The following ACTR1A variants were observed in gnomAD, a reference collection of about 807,000 sequenced individuals.
ACTR1A encodes the protein actin related protein 1A.
Under a neutral mutation model 50.7 loss-of-function variants are expected in ACTR1A, and 10 were observed. The observed-to-expected ratio is 0.20, with a 90% CI of 0.12 to 0.33. The LOEUF is 0.33. Among genes scored for constraint, ACTR1A ranks in the 10% least tolerant of loss-of-function variants. ACTR1A has a pLI of 1.00. For missense variants in ACTR1A, 253 were observed against 491.7 expected (o/e 0.51, Z 4.59); for synonymous variants, 177 against 184.2 (o/e 0.96, Z 0.32).
At position 102,482,384 on chromosome 10, in the gene ACTR1A, G is replaced by A. The variant is rs2062148203; in HGVS notation, c.751-209C>T. On this transcript the variant is annotated intron_variant, in intron 7 of 10. Transcript: ENST00000369905. This position sits in a 1 kb window ranked among gnomAD's most constrained non-coding sequence, Gnocchi z 5.6. ...GGGGAGGCTCCTATATTTCCTTCTC[G>A]CTCTGGCATTTTCCAGCCAAGAGGT... is the stretch of plus-strand genomic sequence containing the variant. 2 of 587,896 alleles carry A rather than the reference G, an allele frequency of 3.4e-6. No individual in the cohort carries two copies. The highest frequency in any genetic ancestry group is 2.1e-5 in the South Asian group (1 of 47,710). 36.4% of individuals were successfully genotyped at this position (587,896 alleles called of 1,614,324 possible).
intron 1 of ACTR1A, among the ~76,000 whole-genome samples, chr10:102,496,161 G>T (rs976685386): frequency 4.6e-5 from 7 of 152,172 alleles, no homozygotes; most frequent in African/African-American, 1.7e-4. Flanking sequence ...TAGCCAGGAT[G>T]GTCTCGATCT....
At chr10:102,494,257 G>A (rs1360662931) in intron 1 of ACTR1A, among the ~76,000 whole-genome samples, 1 of 152,186 alleles carries the variant, frequency 6.6e-6, no homozygotes, top group African/African-American at 2.4e-5. Flanking sequence ...CACTTAGGAA[G>A]GCCGAGGCAC....
At chr10:102,494,574 A>G (rs1178648553) in intron 1 of ACTR1A, among the ~76,000 whole-genome samples, 1 of 152,162 alleles carries the variant, frequency 6.6e-6, no homozygotes, top group Non-Finnish European at 1.5e-5. Flanking sequence ...AGGCTGCAGC[A>G]AGCTGTAATT....
intron 1 of ACTR1A, among the ~76,000 whole-genome samples, chr10:102,501,782 T>C (rs2062253254): frequency 6.6e-6 from 1 of 152,208 alleles, no homozygotes; most frequent in Non-Finnish European, 1.5e-5. Context: ...AACTCGAATG[T>C]ATGTGAAAAC....
In ACTR1A at chr10:102,483,063, G is replaced by C; in HGVS notation, c.698C>G (p.Thr233Arg). 1.2e-6 allele frequency: 2 copies of C among 1,614,188 alleles called. No individual in the cohort carries two copies. Among genetic ancestry groups the C allele is most frequent in the Non-Finnish European group, 1.7e-6 (2 of 1,180,014 alleles). The change falls in exon 7 of 11, where the codon ACG becomes AGG. Residue 233 changes from threonine (T) to arginine (R), a missense_variant. By Grantham distance (71) the Thr-to-Arg change is moderately conservative. Transcript: ENST00000369905. ...GTACTGAGCTTTCTCTGTCTCTAGCGTCTCATCCTTTTGGGGGTTTATGGA... is the reference window on the plus strand; with the variant it reads ...GTACTGAGCTTTCTCTGTCTCTAGCCTCTCATCCTTTTGGGGGTTTATGGA... ...YLSINPQKDE[T>R]LETEKAQYYL... is the part of the protein sequence containing the mutation.
intron 1 of ACTR1A, among the ~76,000 whole-genome samples, chr10:102,496,308 C>A (rs570665924): frequency 3.9e-5 from 6 of 152,350 alleles, no homozygotes; most frequent in Non-Finnish European, 5.9e-5. Flanking sequence ...TTCAATGCAC[C>A]TTTCAGATTT....
In ACTR1A at chr10:102,479,354, G is replaced by C; in HGVS notation, c.*1509C>G. On this transcript the variant is annotated 3_prime_UTR_variant, in exon 11 of 11. Transcript: ENST00000369905. This position sits in a 1 kb window ranked among gnomAD's most constrained non-coding sequence, Gnocchi z 4.0. ...GGGAGGTGAGTTGGTTAAGCGCACT[G>C]CAGTCCGCGGGGCGCTACGTTGCTT... 1 of 371,824 alleles carries C rather than the reference G, an allele frequency of 2.7e-6. No homozygotes were observed. The highest frequency in any genetic ancestry group is 2.0e-5 in the South Asian group (1 of 49,492). 23.0% of individuals were successfully genotyped at this position (371,824 alleles called of 1,614,324 possible). A position where few individuals can be genotyped will look rare whatever the true frequency, so the allele number is the denominator to read the frequency against.
At position 102,491,986 on chromosome 10, in the gene ACTR1A, A is replaced by G. The variant is rs552766923; in HGVS notation, c.49-1373T>C. On this transcript the variant is annotated intron_variant, in intron 1 of 10. Coordinates refer to ENST00000369905, the MANE Select transcript of ACTR1A (RefSeq NM_005736.4). ...GGGTTTCACCGTGTTAGCCAGGATG[A>G]TCTCGATCTCCTGACCTCGTGATCC... 2.0e-4 allele frequency among the ~76,000 whole-genome samples: 26 copies of G among 132,642 alleles called. 1 individual carries two copies. In the South Asian group the frequency reaches 2.2e-3, roughly 11 times the overall value. 87.0% of individuals were successfully genotyped at this position (132,642 alleles called of 152,430 possible). A position where few individuals can be genotyped will look rare whatever the true frequency, so the allele number is the denominator to read the frequency against.
rs775830772 is a variant in ACTR1A at position 102,502,693 on chromosome 10, C to A, written c.-46G>T. On this transcript the variant is annotated 5_prime_UTR_variant, in exon 1 of 11. Transcript: ENST00000369905. ...TGGGGAAGGAACTGCCCAGCCGGGT[C>A]CGCCGCTAGCGCCACTGACACGCAT... 3 of 1,608,362 alleles carry A rather than the reference C, an allele frequency of 1.9e-6. No individual in the cohort carries two copies. The South Asian group carries it at 3.3e-5, about 18-fold the overall frequency.
At chr10:102,494,812 T>C (rs2062212423) in intron 1 of ACTR1A, among the ~76,000 whole-genome samples, 1 of 152,096 alleles carries the variant, frequency 6.6e-6, no homozygotes, top group Admixed American at 6.5e-5. Flanking sequence ...TAATTTTAAT[T>C]TTAATTTTAA....
intron 9 of ACTR1A, 47 bp downstream of exon 9, chr10:102,481,790 C>T (rs1325523586): frequency 1.2e-6 from 2 of 1,604,704 alleles, no homozygotes; most frequent in Non-Finnish European, 1.7e-6. Context: ...GGCACTCTGT[C>T]CATGGAAGCC....
chr10:102,487,052 G>C (rs1024411242), intron 4 of ACTR1A, among the ~76,000 whole-genome samples: 1 of 151,858 alleles, frequency 6.6e-6, no homozygotes, highest in Non-Finnish European at 1.5e-5. Flanking sequence ...AAAGTGCTGG[G>C]ATTACAGGCA....
At position 102,480,797 on chromosome 10, in the gene ACTR1A, C is replaced by T. The variant is rs1284078918; in HGVS notation, c.*66G>A. On this transcript the variant is annotated 3_prime_UTR_variant, in exon 11 of 11. Coordinates refer to ENST00000369905, the MANE Select transcript of ACTR1A (RefSeq NM_005736.4). Reference sequence around the variant, plus strand: ...CACAGGCAGTTCCTCGCAAACACTCCGACTCAAGAAAGCGAGTTTTAAAGT... The same window carrying T: ...CACAGGCAGTTCCTCGCAAACACTCTGACTCAAGAAAGCGAGTTTTAAAGT... 26 of 1,333,750 alleles carry T rather than the reference C, an allele frequency of 1.9e-5. No homozygotes were observed. Among genetic ancestry groups the T allele is most frequent in the Admixed American group, 6.7e-5 (4 of 59,558 alleles). 82.6% of individuals were successfully genotyped at this position (1,333,750 alleles called of 1,614,324 possible).
At chr10:102,483,153 C>A in intron 6 of ACTR1A, 50 bp from the exon 7 acceptor site, 1 of 1,378,584 alleles carries the variant, frequency 7.3e-7, no homozygotes, top group Non-Finnish European at 1.0e-6. Context: ...TGGTGCACAT[C>A]CAGTCAAAGG....
At chr10:102,492,999 C>A (rs2062201550) in intron 1 of ACTR1A, among the ~76,000 whole-genome samples, 2 of 14,518 alleles carry the variant, frequency 1.4e-4, no homozygotes, top group South Asian at 2.7e-3. Flanking sequence ...GAGACTCCAC[C>A]TCAAAAAAAA....
chr10:102,498,616 C>G (rs1307416480), intron 1 of ACTR1A, among the ~76,000 whole-genome samples: 1 of 151,818 alleles, frequency 6.6e-6, no homozygotes, highest in African/African-American at 2.4e-5. Flanking sequence ...AGGTGCATGC[C>G]ACCAAGCAAG....
Position 102,488,057 on chromosome 10 carries a change from G to T in ACTR1A, c.315+93C>A. 1.4e-6 allele frequency: 2 copies of T among 1,454,942 alleles called. No homozygotes were observed. Among genetic ancestry groups the T allele is most frequent in the Non-Finnish European group, 1.9e-6 (2 of 1,055,840 alleles). 90.1% of individuals were successfully genotyped at this position (1,454,942 alleles called of 1,614,324 possible). A position where few individuals can be genotyped will look rare whatever the true frequency, so the allele number is the denominator to read the frequency against. On this transcript the variant is annotated intron_variant, in intron 4 of 10. Transcript: ENST00000369905. The surrounding 1 kb of genome is among the most constrained non-coding windows in gnomAD (Gnocchi z 4.4). ...AAATCAAATGGCTCCAGCACTCTTG[G>T]CAGTGATCATCGTCCTCCTCATCAT...
chr10:102,500,362 G>A (rs12765818), intron 1 of ACTR1A, among the ~76,000 whole-genome samples: 26,225 of 152,032 alleles, frequency 0.17, 2,829 homozygotes, highest in Middle Eastern at 0.28. Flanking sequence ...GAGGTCAGGA[G>A]ATCGAGACCA....
At chr10:102,487,788 C>T (rs1423911597) in intron 4 of ACTR1A, among the ~76,000 whole-genome samples, 2 of 152,012 alleles carry the variant, frequency 1.3e-5, no homozygotes, top group Middle Eastern at 3.4e-3. Context: ...CCCGCCACCA[C>T]GCCCGGAGAA....
Sources: allele counts gnomAD v4.1 joint callset (sites outside exome capture counted in the v4.1 genomes callset), GRCh38; gene constraint gnomAD v4.1.1; non-coding constraint Gnocchi (gnomAD v3.1); transcripts MANE v1.5; gene names NCBI Gene and HGNC (gene_info 2026-07-23, HGNC 2026-07-21).